Variants in CARMIL1 observed in about 807,000 individuals in gnomAD.
CARMIL1 encodes the protein capping protein regulator and myosin 1 linker 1.
In CARMIL1, 90 loss-of-function variants were observed where a neutral mutation model predicts 177.1. That is an observed-to-expected ratio of 0.51 (90% CI 0.43 to 0.61). CARMIL1 has a LOEUF of 0.61. CARMIL1 is among the 20% of genes least tolerant of loss of function. CARMIL1 has a pLI of 0.00. For synonymous variants in CARMIL1, 577 were observed against 606.2 expected (o/e 0.95, Z 0.71); for missense variants, 1,380 against 1,667.0 (o/e 0.83, Z 3.00).
chr6:25,320,038 T>C (rs2150235492), intron 2 of CARMIL1, among the ~76,000 whole-genome samples: 1 of 152,360 alleles, frequency 6.6e-6, no homozygotes, highest in South Asian at 2.1e-4. Flanking sequence ...AACTAGTCGA[T>C]GAACATGGTC....
intron 29 of CARMIL1, among the ~76,000 whole-genome samples, chr6:25,576,102 T>C (rs1812559856): frequency 1.3e-5 from 2 of 152,128 alleles, no homozygotes; most frequent in African/African-American, 4.8e-5. Context: ...AAAAATTCTT[T>C]TATAAATGAA....
chr6:25,374,233 CTAT>C (rs1790758203), intron 2 of CARMIL1, among the ~76,000 whole-genome samples: 1 of 152,170 alleles, frequency 6.6e-6, no homozygotes, highest in African/African-American at 2.4e-5. Flanking sequence ...ATGTGTATCA[CTAT>C]TATTCATTTT....
Position 25,594,446 on chromosome 6 carries a change from G to A in CARMIL1, c.3038G>A (p.Gly1013Asp), listed in dbSNP as rs1814621786. Residue 1013 changes from glycine (G) to aspartate (D), a missense_variant, in exon 32 of 37, where the codon GGT becomes GAT. By Grantham distance (94) the Gly-to-Asp change is moderately conservative. Coordinates refer to ENST00000329474, the MANE Select transcript of CARMIL1 (RefSeq NM_017640.6). ...GCTGCCAACATAGTCTCACAAGATG[G>A]TGAACAGAATGGTCTCATGGGGAGA... ...VCAANIVSQD[G>D]EQNGLMGRVD... 6.2e-7 allele frequency: 1 copy of A among 1,613,228 alleles called. No individual in the cohort carries two copies. The highest frequency in any genetic ancestry group is 8.5e-7 in the Non-Finnish European group (1 of 1,179,544).
chr6:25,309,117 G>T (rs1306741373), intron 2 of CARMIL1, among the ~76,000 whole-genome samples: 1 of 151,948 alleles, frequency 6.6e-6, no homozygotes, highest in Non-Finnish European at 1.5e-5. Flanking sequence ...TGAACTCCTG[G>T]GCTCAAGTGA....
chr6:25,413,747 T>C (rs1562104556), intron 2 of CARMIL1, among the ~76,000 whole-genome samples: 1 of 152,132 alleles, frequency 6.6e-6, no homozygotes, highest in Non-Finnish European at 1.5e-5. Context: ...GGGAGGGAAG[T>C]TGTAGCTTAC....
chr6:25,577,763 A>G lies in CARMIL1; in HGVS notation c.2743-3161A>G, dbSNP rs968274206. ...CTATGTGCAGAATAGTTTAAAATTCATTAAAAAATTTGATCAAATGAGTAC... is the reference window on the plus strand; with the variant it reads ...CTATGTGCAGAATAGTTTAAAATTCGTTAAAAAATTTGATCAAATGAGTAC... On this transcript the variant is annotated intron_variant, in intron 29 of 36. Transcript: ENST00000329474. The surrounding 1 kb of genome is among the most constrained non-coding windows in gnomAD (Gnocchi z 4.5). 2.1e-5 allele frequency among the ~76,000 whole-genome samples: 1 copy of G among 48,586 alleles called. No homozygotes were observed. Among genetic ancestry groups the G allele is most frequent in the Non-Finnish European group, 3.9e-5 (1 of 25,646 alleles). The allele number at this position is 48,586 out of a possible 152,430, so 31.9% of individuals were successfully genotyped here. A position where few individuals can be genotyped will look rare whatever the true frequency, so the allele number is the denominator to read the frequency against.
intron 23 of CARMIL1, among the ~76,000 whole-genome samples, chr6:25,520,584 C>T (rs1333833646): frequency 6.6e-6 from 1 of 152,176 alleles, no homozygotes; most frequent in African/African-American, 2.4e-5. Flanking sequence ...ACAGCATCAA[C>T]ATGCCAGAGC....
At chr6:25,387,627 A>G (rs757357386) in intron 2 of CARMIL1, among the ~76,000 whole-genome samples, 4 of 152,172 alleles carry the variant, frequency 2.6e-5, no homozygotes, top group Non-Finnish European at 5.9e-5. Flanking sequence ...ACTTGGGGGC[A>G]TTTCTTCAAT....
At chr6:25,316,663 C>T (rs1015249862) in intron 2 of CARMIL1, among the ~76,000 whole-genome samples, 15 of 152,172 alleles carry the variant, frequency 9.9e-5, no homozygotes, top group African/African-American at 2.2e-4. Context: ...CTGCCTGCCT[C>T]GGCCTCCAAA....
At chr6:25,391,364 A>G (rs1017904674) in intron 2 of CARMIL1, among the ~76,000 whole-genome samples, 5 of 152,202 alleles carry the variant, frequency 3.3e-5, no homozygotes, top group Admixed American at 2.0e-4. Context: ...ATAAAAGGGC[A>G]CTGGGCTGTC....
chr6:25,537,735 C>T, intron 24 of CARMIL1, 120 bp from the exon 25 acceptor site: 1 of 1,186,408 alleles, frequency 8.4e-7, no homozygotes, highest in Non-Finnish European at 1.2e-6. Context: ...TTGAGGTTTT[C>T]ATCCTTGTGC....
intron 2 of CARMIL1, among the ~76,000 whole-genome samples, chr6:25,316,184 A>G (rs1784254932): frequency 6.6e-6 from 1 of 152,212 alleles, no homozygotes; most frequent in Non-Finnish European, 1.5e-5. Context: ...AGCCTTAATT[A>G]ATTGAAGTGA....
intron 11 of CARMIL1, among the ~76,000 whole-genome samples, chr6:25,479,439 T>A (rs532565415): frequency 4.6e-5 from 7 of 152,350 alleles, no homozygotes; most frequent in African/African-American, 1.7e-4. Context: ...ATTAAAATGA[T>A]AGTTTTTTGA....
chr6:25,429,750 T>C (rs1193653031), intron 4 of CARMIL1, among the ~76,000 whole-genome samples: 1 of 151,662 alleles, frequency 6.6e-6, no homozygotes, highest in African/African-American at 2.4e-5. Context: ...TTTCTTTTTT[T>C]AAGCTTCTTA....
chr6:25,466,035 C>T lies in CARMIL1; in HGVS notation c.690+87C>T. 5 of 870,654 alleles carry T rather than the reference C, an allele frequency of 5.7e-6. 1 individual carries two copies. The South Asian group carries it at 6.9e-5, about 12-fold the overall frequency. The allele number at this position is 870,654 out of a possible 1,614,324, so 53.9% of individuals were successfully genotyped here. A position where few individuals can be genotyped will look rare whatever the true frequency, so the allele number is the denominator to read the frequency against. ...TTGTGGGAAAAAAACAATTTTTTTA[C>T]TGTACTAGTAAGCTGTATACATTTT... On this transcript the variant is annotated intron_variant, in intron 9 of 36. Transcript: ENST00000329474.
intron 2 of CARMIL1, among the ~76,000 whole-genome samples, chr6:25,363,115 C>T (rs1167503962): frequency 1.3e-5 from 2 of 151,710 alleles, no homozygotes; most frequent in East Asian, 3.9e-4. Flanking sequence ...GAGTACCTGA[C>T]CAATGTAGAA....
chr6:25,332,504 A>G (rs1281123587), intron 2 of CARMIL1, among the ~76,000 whole-genome samples: 1 of 152,118 alleles, frequency 6.6e-6, no homozygotes, highest in Non-Finnish European at 1.5e-5. Context: ...AAAGTGGGGA[A>G]TGAGGGAAAA....
chr6:25,422,654 A>G (rs1346373837), intron 3 of CARMIL1, among the ~76,000 whole-genome samples: 1 of 152,202 alleles, frequency 6.6e-6, no homozygotes, highest in African/African-American at 2.4e-5. Flanking sequence ...TGATATGAGG[A>G]CTTTAATTAG....
At chr6:25,353,249 G>T (rs1788281661) in intron 2 of CARMIL1, among the ~76,000 whole-genome samples, 1 of 152,196 alleles carries the variant, frequency 6.6e-6, no homozygotes, top group Non-Finnish European at 1.5e-5. Flanking sequence ...AGATGCTCTT[G>T]TAATTGATTT....
Sources: gnomAD v4.1 joint callset for allele counts (sites outside exome capture counted in the v4.1 genomes callset) on GRCh38, gnomAD v4.1.1 for gene constraint, Gnocchi (gnomAD v3.1) non-coding constraint, MANE v1.5 for transcripts, NCBI Gene and HGNC (gene_info 2026-07-23, HGNC 2026-07-21) for gene names.